TRHDE: variants seen among roughly 807,000 people sequenced by gnomAD.
The protein encoded by TRHDE is thyrotropin releasing hormone degrading enzyme.
In TRHDE, 72 loss-of-function variants were observed where a neutral mutation model predicts 125.7. The observed-to-expected ratio is 0.57, with a 90% CI of 0.47 to 0.70. The LOEUF is 0.70. TRHDE is among the 30% of genes least tolerant of loss of function. The probability of loss-of-function intolerance (pLI) is 0.00; values close to 1 mark genes in which losing one functional copy is unlikely to be tolerated. For missense variants in TRHDE, 1,110 were observed against 1,327.1 expected (o/e 0.84, Z 2.54); for synonymous variants, 509 against 509.1 (o/e 1.00, Z 0.00).
intron 3 of TRHDE, among the ~76,000 whole-genome samples, chr12:72,379,998 G>A (rs113770765): frequency 2.6e-5 from 4 of 152,090 alleles, no homozygotes; most frequent in East Asian, 1.9e-4. Flanking sequence ...AAGCACATAC[G>A]CATTTTGACA....
intron 1 of TRHDE, among the ~76,000 whole-genome samples, chr12:72,091,726 G>T (rs560774325): frequency 1.0e-3 from 153 of 152,268 alleles, no homozygotes; most frequent in Non-Finnish European, 1.7e-3. Flanking sequence ...CTGACAAACT[G>T]GGTATGCCAC....
chr12:72,626,922 C>G (rs545451892), intron 15 of TRHDE, among the ~76,000 whole-genome samples: 1 of 152,002 alleles, frequency 6.6e-6, no homozygotes, highest in South Asian at 2.1e-4. Flanking sequence ...CCTATTTCCT[C>G]AGTTCTTTAT....
At chr12:72,561,904 T>C (rs192399915) in intron 7 of TRHDE, among the ~76,000 whole-genome samples, 1 of 152,280 alleles carries the variant, frequency 6.6e-6, no homozygotes, top group African/African-American at 2.4e-5. Context: ...TAGAGAAAGA[T>C]CTTTGACTCT....
chr12:72,520,925 A>G (rs1879164615), intron 6 of TRHDE, among the ~76,000 whole-genome samples: 1 of 152,224 alleles, frequency 6.6e-6, no homozygotes, highest in Non-Finnish European at 1.5e-5. Context: ...ATTCAGTGTT[A>G]GCTATGTTCC....
chr12:72,621,714 A>G lies in TRHDE; in HGVS notation c.2638A>G (p.Thr880Ala). ...GNKHCHQQASTLISDWISSNR... is the reference protein window; with the variant it reads ...GNKHCHQQASALISDWISSNR... ...CAAGCACTGTCACCAACAGGCATCA[A>G]CACTTATTTCAGATTGGATTTCCAG... Residue 880 changes from threonine to alanine, a missense_variant, in exon 15 of 19, where the codon ACA becomes GCA. This residue lies in a region of TRHDE where 527 missense variants were observed against 651.8 expected (regional missense o/e 0.81). Coordinates refer to ENST00000261180, the MANE Select transcript of TRHDE (RefSeq NM_013381.3). 2 of 1,606,662 alleles carry G rather than the reference A, an allele frequency of 1.2e-6. No individual in the cohort carries two copies. The highest frequency in any genetic ancestry group is 1.7e-6 in the Non-Finnish European group (2 of 1,177,682).
chr12:72,473,285 G>A (rs1436531960), intron 5 of TRHDE, 105 bp downstream of exon 5: 1 of 765,566 alleles, frequency 1.3e-6, no homozygotes, highest in Non-Finnish European at 2.1e-6. Flanking sequence ...ACTGATGCAT[G>A]AAAATGTATC....
upstream of TRHDE, among the ~76,000 whole-genome samples, chr12:72,270,458 G>A (rs1161654303): frequency 6.6e-6 from 1 of 152,102 alleles, no homozygotes; most frequent in Non-Finnish European, 1.5e-5. Flanking sequence ...ATGTGTAATT[G>A]GTCTCTTCTC....
chr12:72,468,442 A>G (rs143746318), intron 3 of TRHDE, among the ~76,000 whole-genome samples: 132 of 152,348 alleles, frequency 8.7e-4, no homozygotes, highest in African/African-American at 3.1e-3. Context: ...AAACAATACC[A>G]TAGCGAACAT....
intron 3 of TRHDE, among the ~76,000 whole-genome samples, chr12:72,442,454 C>G (rs1230563542): frequency 1.3e-5 from 2 of 151,820 alleles, no homozygotes; most frequent in African/African-American, 2.4e-5. Flanking sequence ...AACTACCTGG[C>G]AAAGGCAGAT....
chr12:72,510,397 G>A (rs907069190), intron 6 of TRHDE, among the ~76,000 whole-genome samples: 3 of 152,120 alleles, frequency 2.0e-5, no homozygotes, highest in African/African-American at 2.4e-5. Flanking sequence ...AATAATAGGC[G>A]ATAATAGTAT....
intron 2 of TRHDE, among the ~76,000 whole-genome samples, chr12:72,373,243 A>G (rs1871699294): frequency 6.6e-6 from 1 of 152,140 alleles, no homozygotes; most frequent in African/African-American, 2.4e-5. Context: ...TTGATTTTGT[A>G]TCCTGAGACT....
chr12:72,389,677 T>A (rs1394017283), intron 3 of TRHDE, among the ~76,000 whole-genome samples: 1 of 152,204 alleles, frequency 6.6e-6, no homozygotes, highest in Non-Finnish European at 1.5e-5. Context: ...CCCACCCTCA[T>A]GACCTTATAT....
intron 13 of TRHDE, 69 bp downstream of exon 13, chr12:72,619,107 A>C: frequency 8.4e-7 from 1 of 1,195,846 alleles, no homozygotes. Context: ...CTACTATTAT[A>C]TATGCAACTG....
chr12:72,368,270 A>G (rs937162662), intron 2 of TRHDE, among the ~76,000 whole-genome samples: 7 of 152,328 alleles, frequency 4.6e-5, no homozygotes, highest in Non-Finnish European at 1.0e-4. Context: ...AAAGTCTGTA[A>G]GGTACATTAA....
chr12:72,156,184 C>A (rs1489030191), intron 2 of TRHDE, among the ~76,000 whole-genome samples: 1 of 152,142 alleles, frequency 6.6e-6, no homozygotes, highest in Admixed American at 6.5e-5. Context: ...GGGCGTAGGA[C>A]CCTCTGAGCT....
In TRHDE at chr12:72,656,284, C is replaced by T. The variant is rs201546648; in HGVS notation, c.2985-643C>T. 9.9e-5 allele frequency among the ~76,000 whole-genome samples: 15 copies of T among 152,102 alleles called. No homozygotes were observed. In the East Asian group the frequency reaches 1.9e-3, roughly 20 times the overall value. On this transcript the variant is annotated intron_variant, in intron 17 of 18. Coordinates refer to ENST00000261180, the MANE Select transcript of TRHDE (RefSeq NM_013381.3). ...AGTAGATGTTTTACTTTAATGTACACATGAAAAAAGCTAATATTTTGGAGA... is the reference window on the plus strand; with the variant it reads ...AGTAGATGTTTTACTTTAATGTACATATGAAAAAAGCTAATATTTTGGAGA...
chr12:72,225,849 T>G (rs1878118171), intron 2 of TRHDE, among the ~76,000 whole-genome samples: 1 of 152,084 alleles, frequency 6.6e-6, no homozygotes, highest in Non-Finnish European at 1.5e-5. Flanking sequence ...GAAATGAAGG[T>G]TTGACCTTTC....
intron 2 of TRHDE, among the ~76,000 whole-genome samples, chr12:72,175,498 G>A (rs1298452332): frequency 6.6e-6 from 1 of 152,182 alleles, no homozygotes; most frequent in Non-Finnish European, 1.5e-5. Flanking sequence ...TCCCTTTCAT[G>A]TGGAACAAGC....
chr12:72,635,376 G>C (rs1426356898), intron 15 of TRHDE, among the ~76,000 whole-genome samples: 5 of 151,860 alleles, frequency 3.3e-5, no homozygotes, highest in Non-Finnish European at 7.4e-5. Flanking sequence ...AAATTTGTTT[G>C]AGTTCATTGT....
Sources: allele counts gnomAD v4.1 joint callset (sites outside exome capture counted in the v4.1 genomes callset), GRCh38; gene constraint gnomAD v4.1.1; regional missense constraint gnomAD v4.1.1; transcripts MANE v1.5; gene names NCBI Gene and HGNC (gene_info 2026-07-23, HGNC 2026-07-21).